OR13G1: variants seen among roughly 807,000 people sequenced by gnomAD.
The protein encoded by OR13G1 is olfactory receptor 13G1.
For missense variants in OR13G1, 369 were observed against 385.7 expected (o/e 0.96, Z 0.36); for synonymous variants, 128 against 136.2 (o/e 0.94, Z 0.42).
chr1:247,678,713 T>C (rs1318019867), intron 1 of OR13G1, among the ~76,000 whole-genome samples: 2 of 152,190 alleles, frequency 1.3e-5, no homozygotes. Flanking sequence ...GGAAGATCAG[T>C]GTGAAGGCAG....
At position 247,672,055 on chromosome 1, in the gene OR13G1, A is replaced by G; in HGVS notation, c.*63T>C. On this transcript the variant is annotated 3_prime_UTR_variant, in exon 2 of 2. Coordinates refer to ENST00000642119, the MANE Select transcript of OR13G1 (RefSeq NM_001005487.2). ...GTGGAGGTAAGTATGAAAAACCAGT[A>G]AAATCTGAGATGCTCTAGAAGATGG... The G allele has an allele frequency of 7.3e-7, 1 of 1,376,512 alleles. No homozygotes were observed. Among genetic ancestry groups the G allele is most frequent in the Non-Finnish European group, 9.9e-7 (1 of 1,006,664 alleles). The allele number at this position is 1,376,512 out of a possible 1,614,324, so 85.3% of individuals were successfully genotyped here. A position where few individuals can be genotyped will look rare whatever the true frequency, so the allele number is the denominator to read the frequency against.
chr1:247,679,480 G>A (rs1055060246), intron 1 of OR13G1, among the ~76,000 whole-genome samples, 160 bp downstream of exon 1: 1 of 127,464 alleles, frequency 7.8e-6, no homozygotes, highest in Non-Finnish European at 1.6e-5. Context: ...ACAATCCGCG[G>A]ATGGATTGTG....
chr1:247,679,525 T>TGTGTGC lies in OR13G1; in HGVS notation c.-239+114_-239+115insGCACAC, dbSNP rs764457162. 6.7e-4 allele frequency: 89 copies of TGTGTGC among 133,500 alleles called. 1 individual carries two copies. Among genetic ancestry groups the TGTGTGC allele is most frequent in the South Asian group, 1.7e-3 (7 of 4,048 alleles). 8.3% of individuals were successfully genotyped at this position (133,500 alleles called of 1,614,324 possible). A position where few individuals can be genotyped will look rare whatever the true frequency, so the allele number is the denominator to read the frequency against. On this transcript the variant is annotated intron_variant, in intron 1 of 1. Transcript: ENST00000642119. ...GTGTGTGTGTGTGTGTGTGTGTGTG[T>TGTGTGC]GCGCGCTATGGCTAAAAAGGAATTA...
intron 1 of OR13G1, among the ~76,000 whole-genome samples, chr1:247,673,483 G>C (rs1034962100): frequency 1.3e-5 from 2 of 151,870 alleles, no homozygotes; most frequent in African/African-American, 2.4e-5. Context: ...TAATTGCATG[G>C]TACATTTAGG....
chr1:247,674,425 GTT>G (rs1659300895), intron 1 of OR13G1, among the ~76,000 whole-genome samples: 1 of 152,160 alleles, frequency 6.6e-6, no homozygotes, highest in African/African-American at 2.4e-5. Flanking sequence ...AATCTAGTCT[GTT>G]TTGCTCTCTC....
chr1:247,672,212 A>G lies in OR13G1; in HGVS notation c.830T>C (p.Leu277Pro), dbSNP rs752818644. 5 of 1,613,978 alleles carry G rather than the reference A, an allele frequency of 3.1e-6. No homozygotes were observed. In the East Asian group the frequency reaches 8.9e-5, roughly 29 times the overall value. The change falls in exon 2 of 2, where the codon CTT becomes CCT. Residue 277 changes from leucine (L) to proline (P), a missense_variant. Coordinates refer to ENST00000642119, the MANE Select transcript of OR13G1 (RefSeq NM_001005487.2). ...CATCGGGTTTAATGTGGGAGTCACA[A>G]GAGTATAGAGTGCAGCTACCACCTT... ...RDKVVAALYT[L>P]VTPTLNPMVY...
chr1:247,673,690 GT>G (rs1200084177), intron 1 of OR13G1, among the ~76,000 whole-genome samples: 4 of 152,044 alleles, frequency 2.6e-5, no homozygotes, highest in Non-Finnish European at 5.9e-5. Context: ...TTTTTCATCG[GT>G]TTGAGAAGCA....
chr1:247,677,903 G>C (rs775555633), intron 1 of OR13G1, among the ~76,000 whole-genome samples: 2 of 152,102 alleles, frequency 1.3e-5, no homozygotes, highest in South Asian at 2.1e-4. Flanking sequence ...TTGGGAGTTT[G>C]AGACCAGCCT....
chr1:247,678,628 T>G (rs1659398163), intron 1 of OR13G1, among the ~76,000 whole-genome samples: 1 of 152,230 alleles, frequency 6.6e-6, no homozygotes, highest in Non-Finnish European at 1.5e-5. Context: ...GCTTCACTGT[T>G]GAAGTACTAG....
At chr1:247,674,502 T>G (rs988588343) in intron 1 of OR13G1, among the ~76,000 whole-genome samples, 7 of 152,188 alleles carry the variant, frequency 4.6e-5, no homozygotes, top group Non-Finnish European at 8.8e-5. Context: ...TCTTTAACTC[T>G]TTAAACTGGA....
Position 247,672,006 on chromosome 1 carries a change from A to T in OR13G1, c.*112T>A, listed in dbSNP as rs1466489973. 6 of 812,814 alleles carry T rather than the reference A, an allele frequency of 7.4e-6. No homozygotes were observed. The East Asian group carries it at 1.6e-4, about 21-fold the overall frequency. The allele number at this position is 812,814 out of a possible 1,614,324, so 50.4% of individuals were successfully genotyped here. On this transcript the variant is annotated 3_prime_UTR_variant, in exon 2 of 2. Transcript: ENST00000642119. Reference sequence around the variant, plus strand: ...ATGAGACTGCTAGGAAGAAGGCAGGAATAAGAGGGAAGGGAAAATTGGAGT... The same window carrying T: ...ATGAGACTGCTAGGAAGAAGGCAGGTATAAGAGGGAAGGGAAAATTGGAGT...
chr1:247,678,179 C>A (rs1432537099), intron 1 of OR13G1, among the ~76,000 whole-genome samples: 1 of 152,122 alleles, frequency 6.6e-6, no homozygotes, highest in Non-Finnish European at 1.5e-5. Context: ...ATCAAATGTG[C>A]TTATTGTCAC....
rs145617333 is a variant in OR13G1, at chr1:247,679,626, C to T, written c.-239+14G>A. ...TAAACTTAAGAATTAGACAGTCTGC[C>T]CACAAATACTCACTGTAGTTTTTTG... On this transcript the variant is annotated intron_variant, in intron 1 of 1. Transcript: ENST00000642119. 6.6e-6 allele frequency: 1 copy of T among 151,944 alleles called. No individual in the cohort carries two copies. Among genetic ancestry groups the T allele is most frequent in the African/African-American group, 2.4e-5 (1 of 41,448 alleles). The allele number at this position is 151,944 out of a possible 1,614,324, so 9.4% of individuals were successfully genotyped here.
At position 247,672,713 on chromosome 1, in the gene OR13G1, A is replaced by T. The variant is rs1040533222; in HGVS notation, c.329T>A (p.Val110Asp). ...GTCATAGGCCATGGTGGTGAAGAGA[A>T]CCATCTCAGCTCCCAGAGACCATGT... The part of the protein sequence containing the change: ...LFTWSLGAEM[V>D]LFTTMAYDRY... Residue 110 changes from valine to aspartate, a missense_variant, in exon 2 of 2, where the codon GTT (valine) becomes GAT (aspartate). By Grantham distance (152) the Val-to-Asp change is radical. Transcript: ENST00000642119. 4 of 1,613,874 alleles carry T rather than the reference A, an allele frequency of 2.5e-6. No individual in the cohort carries two copies. Among genetic ancestry groups the T allele is most frequent in the Non-Finnish European group, 3.4e-6 (4 of 1,179,948 alleles).
In OR13G1 at chr1:247,672,878, G is replaced by A; in HGVS notation, c.164C>T (p.Pro55Leu). 6.2e-7 allele frequency: 1 copy of A among 1,614,044 alleles called. No individual in the cohort carries two copies. Among genetic ancestry groups the A allele is most frequent in the Non-Finnish European group, 8.5e-7 (1 of 1,179,984 alleles). ...CAGTGTCAGAAGGAAAACATACATGGGCGTATGCAAGGTGTTGTTATAGAT... is the reference window on the plus strand; with the variant it reads ...CAGTGTCAGAAGGAAAACATACATGAGCGTATGCAAGGTGTTGTTATAGAT... The part of the protein sequence containing the change: ...AKIYNNTLHT[P>L]MYVFLLTLAV... Residue 55 changes from proline (P) to leucine (L), a missense_variant, in exon 2 of 2, where the codon CCC (proline) becomes CTC (leucine). By Grantham distance (98) the Pro-to-Leu change is moderately conservative. Transcript: ENST00000642119.
chr1:247,671,908 T>C lies in OR13G1; in HGVS notation c.*210A>G. On this transcript the variant is annotated 3_prime_UTR_variant, in exon 2 of 2. Coordinates refer to ENST00000642119, the MANE Select transcript of OR13G1 (RefSeq NM_001005487.2). ...ATGTTGGAATATATATTATGACATA[T>C]ATTTATGTGAGGGTATTGTGCATAT... 1.9e-6 allele frequency: 1 copy of C among 536,872 alleles called. No homozygotes were observed. The allele number at this position is 536,872 out of a possible 1,614,324, so 33.3% of individuals were successfully genotyped here.
chr1:247,674,600 C>T (rs1659304314), intron 1 of OR13G1, among the ~76,000 whole-genome samples: 2 of 152,142 alleles, frequency 1.3e-5, no homozygotes, highest in South Asian at 4.1e-4. Flanking sequence ...AGGAATGTTA[C>T]AGCCACCATT....
At chr1:247,677,932 C>G (rs1251404057) in intron 1 of OR13G1, among the ~76,000 whole-genome samples, 1 of 152,048 alleles carries the variant, frequency 6.6e-6, no homozygotes, top group Non-Finnish European at 1.5e-5. Flanking sequence ...TGGAGAAACC[C>G]CATCTCTAAT....
chr1:247,674,398 T>C (rs534934454), intron 1 of OR13G1, among the ~76,000 whole-genome samples: 6 of 152,346 alleles, frequency 3.9e-5, no homozygotes. Flanking sequence ...AAAAGTGTTT[T>C]TGAGTGTGCG....
Sources: gnomAD v4.1 joint callset for allele counts (sites outside exome capture counted in the v4.1 genomes callset) on GRCh38, gnomAD v4.1.1 for gene constraint, MANE v1.5 for transcripts, NCBI Gene and HGNC (gene_info 2026-07-23, HGNC 2026-07-21) for gene names.